The following EGFR variants were observed in gnomAD, a reference collection of about 807,000 sequenced individuals.
EGFR encodes epidermal growth factor receptor.
EGFR carries 58 observed loss-of-function variants against 143.0 expected under a neutral mutation model. The observed-to-expected ratio is 0.41, with a 90% CI of 0.33 to 0.50. EGFR has a LOEUF of 0.50. Ranked by LOEUF, EGFR falls within the 20% of genes least tolerant of loss-of-function variation. The probability of loss-of-function intolerance (pLI) is 0.39; values close to 1 mark genes in which losing one functional copy is unlikely to be tolerated. For synonymous variants in EGFR, 613 were observed against 594.4 expected, an observed-to-expected ratio of 1.03 and a Z score of -0.45; for missense variants, 1,307 against 1,579.0, an observed-to-expected ratio of 0.83 and a Z score of 2.92.
intron 13 of EGFR, among the ~76,000 whole-genome samples, chr7:55,163,496 A>G (rs762991946): frequency 1.3e-5 from 2 of 152,234 alleles, no homozygotes; most frequent in African/African-American, 2.4e-5. Context: ...TGCAAAAACT[A>G]TGCTGTAGAA....
chr7:55,115,507 T>G (rs1280563827), intron 1 of EGFR, among the ~76,000 whole-genome samples: 1 of 152,242 alleles, frequency 6.6e-6, no homozygotes, highest in Non-Finnish European at 1.5e-5. Context: ...TCTAAGATTT[T>G]AGCTATTCCT....
At chr7:55,088,249 C>T (rs560143710) in intron 1 of EGFR, among the ~76,000 whole-genome samples, 2 of 152,350 alleles carry the variant, frequency 1.3e-5, no homozygotes, top group South Asian at 4.1e-4. Context: ...GGACTTGGCC[C>T]TACGCTGAAG....
chr7:55,211,433 G>A lies in EGFR; in HGVS notation c.*5816G>A, dbSNP rs141137225. On this transcript the variant is annotated 3_prime_UTR_variant, in exon 28 of 28. Transcript: ENST00000275493. ...GCTTTATAGCTTCAACATATGGTAC[G>A]TTTTAACCTTGAAAGTTTTGCAATG... The A allele has an allele frequency of 8.5e-5, 13 of 152,288 alleles. No homozygotes were observed. The East Asian group carries it at 1.7e-3, about 20-fold the overall frequency. 9.4% of individuals were successfully genotyped at this position (152,288 alleles called of 1,614,324 possible). A position where few individuals can be genotyped will look rare whatever the true frequency, so the allele number is the denominator to read the frequency against.
intron 1 of EGFR, among the ~76,000 whole-genome samples, chr7:55,021,782 G>T (rs1024709131): frequency 6.6e-6 from 1 of 152,268 alleles, no homozygotes; most frequent in East Asian, 1.9e-4. Context: ...ACCATTTCAT[G>T]AGTCCTAATC....
intron 15 of EGFR, among the ~76,000 whole-genome samples, chr7:55,167,408 TGGTGATGAG>T (rs796439919): frequency 9.0e-6 from 1 of 110,690 alleles, no homozygotes; most frequent in East Asian, 4.0e-4. Flanking sequence ...ACAGTGGTGG[TGGTGATGAG>T]GGTGGTGATG....
At chr7:55,040,318 G>A (rs1239345235) in intron 1 of EGFR, among the ~76,000 whole-genome samples, 9 of 152,196 alleles carry the variant, frequency 5.9e-5, no homozygotes, top group Middle Eastern at 3.4e-3. Context: ...TTTTTTCAAA[G>A]CGATATTAAT....
chr7:55,043,593 C>T (rs544813565), intron 1 of EGFR, among the ~76,000 whole-genome samples: 284 of 106,450 alleles, frequency 2.7e-3, no homozygotes, highest in African/African-American at 0.011. Context: ...AACTCCTGGC[C>T]TCAAGAGAAC....
In EGFR at chr7:55,200,414, G is replaced by A. The variant is rs1787796364; in HGVS notation, c.2946+1G>A. 1 of 1,613,690 alleles carries A rather than the reference G, an allele frequency of 6.2e-7. No homozygotes were observed. The highest frequency in any genetic ancestry group is 1.3e-5 in the African/African-American group (1 of 74,886). On this transcript the variant is annotated splice_donor_variant, in intron 24 of 27. Transcript: ENST00000275493. LOFTEE classifies it high-confidence loss of function. ...CCCCCAGCGCTACCTTGTCATTCAG[G>A]TACAAATTGCAGTCTGTGCTTCCAT...
At chr7:55,048,314 C>G (rs183008235) in intron 1 of EGFR, among the ~76,000 whole-genome samples, 1 of 152,162 alleles carries the variant, frequency 6.6e-6, no homozygotes, top group Non-Finnish European at 1.5e-5. Context: ...CAGGGCCCTG[C>G]TCAGAATGTA....
chr7:55,131,223 G>A (rs2128920110), intron 1 of EGFR, among the ~76,000 whole-genome samples: 1 of 152,078 alleles, frequency 6.6e-6, no homozygotes, highest in South Asian at 2.1e-4. Flanking sequence ...ACATGTGCCA[G>A]TAACAGTGCA....
At chr7:55,186,986 C>T (rs948252220) in intron 20 of EGFR, among the ~76,000 whole-genome samples, 2 of 152,252 alleles carry the variant, frequency 1.3e-5, no homozygotes, top group African/African-American at 4.8e-5. Flanking sequence ...GCAGACCAAA[C>T]AGCGTGACAG....
At chr7:55,096,817 G>C (rs1449251833) in intron 1 of EGFR, among the ~76,000 whole-genome samples, 2 of 152,160 alleles carry the variant, frequency 1.3e-5, no homozygotes, top group Admixed American at 1.3e-4. Flanking sequence ...TTGTGCCCTT[G>C]CTGGAGCCAG....
chr7:55,141,594 C>A (rs1343986862), intron 1 of EGFR, among the ~76,000 whole-genome samples: 2 of 152,186 alleles, frequency 1.3e-5, no homozygotes, highest in East Asian at 3.9e-4. Context: ...TTGTTATTTT[C>A]TGAATATTCT....
chr7:55,181,234 G>A (rs1786850348), intron 19 of EGFR, 59 bp from the exon 20 acceptor site: 1 of 1,593,678 alleles, frequency 6.3e-7, no homozygotes, highest in Non-Finnish European at 8.6e-7. Flanking sequence ...AGGGGTCCAT[G>A]TGCCCCTCCT....
At chr7:55,128,970 T>A (rs1334589176) in intron 1 of EGFR, among the ~76,000 whole-genome samples, 1 of 152,258 alleles carries the variant, frequency 6.6e-6, no homozygotes, top group Non-Finnish European at 1.5e-5. Context: ...TTATATATGA[T>A]GTTCATGCAT....
chr7:55,029,963 C>T (rs542458175), intron 1 of EGFR, among the ~76,000 whole-genome samples: 46 of 152,342 alleles, frequency 3.0e-4, no homozygotes, highest in Non-Finnish European at 6.0e-4. Flanking sequence ...AACAACACCT[C>T]GCATTTGTAC....
At chr7:55,152,274 C>T in intron 5 of EGFR, 1 of 626,538 alleles carries the variant, frequency 1.6e-6, no homozygotes, top group Admixed American at 2.1e-5. Context: ...TTTGTATGTG[C>T]TTTCTGCATT....
At chr7:55,183,964 T>G (rs1380942217) in intron 20 of EGFR, among the ~76,000 whole-genome samples, 1 of 152,122 alleles carries the variant, frequency 6.6e-6, no homozygotes. Context: ...CCGTGTGAAA[T>G]GTGTATGTGA....
At chr7:55,186,444 C>T (rs1025075628) in intron 20 of EGFR, among the ~76,000 whole-genome samples, 2 of 152,218 alleles carry the variant, frequency 1.3e-5, no homozygotes, top group Non-Finnish European at 2.9e-5. Flanking sequence ...CAGCCCTGCA[C>T]CTCCTGATCC....
Sources: gnomAD v4.1 joint callset for allele counts (sites outside exome capture counted in the v4.1 genomes callset) on GRCh38, gnomAD v4.1.1 for gene constraint, MANE v1.5 for transcripts, NCBI Gene and HGNC (gene_info 2026-07-23, HGNC 2026-07-21) for gene names.